C4orf17: variants seen among roughly 807,000 people sequenced by gnomAD.
The protein encoded by C4orf17 is uncharacterized protein C4orf17.
A neutral mutation model predicts 32.0 loss-of-function variants in C4orf17; 25 were observed. That is an observed-to-expected ratio of 0.78 (90% confidence interval 0.57 to 1.09). The LOEUF is 1.09. C4orf17 is among the 50% of genes least tolerant of loss of function. C4orf17 has a pLI of 0.00. For synonymous variants in C4orf17, 149 were observed against 145.8 expected (o/e 1.02, Z -0.16); for missense variants, 420 against 420.0 (o/e 1.00, Z 0.00).
chr4:99,512,295 A>G (rs1270762045), intron 1 of C4orf17, among the ~76,000 whole-genome samples: 2 of 152,230 alleles, frequency 1.3e-5, no homozygotes, highest in East Asian at 1.9e-4. Context: ...GAAAATTTAA[A>G]TAACGACTTT....
chr4:99,528,840 T>C (rs72681967), intron 4 of C4orf17, among the ~76,000 whole-genome samples: 40,604 of 151,924 alleles, frequency 0.27, 5,624 homozygotes, highest in South Asian at 0.35. Context: ...GCCCTTGACA[T>C]ATGGGGATTA....
intron 2 of C4orf17, among the ~76,000 whole-genome samples, chr4:99,517,024 G>C (rs915662357): frequency 6.6e-6 from 1 of 152,072 alleles, no homozygotes; most frequent in Non-Finnish European, 1.5e-5. Context: ...TGATTTGATG[G>C]CTCGCTTAAA....
chr4:99,535,395 T>C lies in C4orf17; in HGVS notation c.547-2274T>C, dbSNP rs74807709. Among the ~76,000 whole-genome samples the C allele has an allele frequency of 7.9e-5, 12 of 152,246 alleles. No individual in the cohort carries two copies. The East Asian group carries it at 2.1e-3, about 27-fold the overall frequency. ...TTCCAATCAGTTGTAAGTTCAGTCT[T>C]TTTACATAATCCCACATTTCTCGGA... On this transcript the variant is annotated intron_variant, in intron 5 of 8. Coordinates refer to ENST00000326581, the MANE Select transcript of C4orf17 (RefSeq NM_032149.3).
At chr4:99,518,273 G>A (rs1009822427) in intron 2 of C4orf17, among the ~76,000 whole-genome samples, 3 of 151,050 alleles carry the variant, frequency 2.0e-5, no homozygotes, top group African/African-American at 7.3e-5. Context: ...AACTGTTTAG[G>A]CCAGGCTCAG....
rs751533705 is a variant in C4orf17, at chr4:99,513,202, A to G, written c.121A>G (p.Ile41Val). 2 of 1,613,730 alleles carry G rather than the reference A, an allele frequency of 1.2e-6. No homozygotes were observed. Among genetic ancestry groups the G allele is most frequent in the South Asian group, 1.1e-5 (1 of 91,074 alleles). The change falls in exon 2 of 9, where the codon ATC becomes GTC. Residue 41 changes from isoleucine to valine, a missense_variant. By Grantham distance (29) the Ile-to-Val change is conservative (BLOSUM62 3). Coordinates refer to ENST00000326581, the MANE Select transcript of C4orf17 (RefSeq NM_032149.3). ...CCCTCATCCCAGAAGAGTCTGCCAC[A>G]TCAAAGGTAAGGTGACTTAAGGTCC... Reference protein sequence around the residue: ...HTPHPRRVCHIKGLNNIPICT... With the variant: ...HTPHPRRVCHVKGLNNIPICT...
At chr4:99,521,338 G>A (rs1281198710) in intron 2 of C4orf17, among the ~76,000 whole-genome samples, 2 of 151,594 alleles carry the variant, frequency 1.3e-5, no homozygotes, top group Non-Finnish European at 2.9e-5. Context: ...TTGCACCATT[G>A]CACTCCAGCC....
At chr4:99,533,251 T>C (rs1006845532) in intron 5 of C4orf17, among the ~76,000 whole-genome samples, 1 of 152,212 alleles carries the variant, frequency 6.6e-6, no homozygotes, top group Admixed American at 6.5e-5. Flanking sequence ...GGATACAATA[T>C]GCAGATTAAT....
At chr4:99,515,548 G>T (rs1398406449) in intron 2 of C4orf17, among the ~76,000 whole-genome samples, 1 of 151,996 alleles carries the variant, frequency 6.6e-6, no homozygotes, top group Non-Finnish European at 1.5e-5. Context: ...CCATTCAGAG[G>T]GTGGAGACTG....
chr4:99,514,592 T>TA (rs1340797850), intron 2 of C4orf17, among the ~76,000 whole-genome samples: 3 of 152,014 alleles, frequency 2.0e-5, no homozygotes, highest in Non-Finnish European at 2.9e-5. Context: ...ATAATTAAGT[T>TA]AAAAAAACAA....
intron 5 of C4orf17, 142 bp from the exon 6 acceptor site, chr4:99,537,527 G>A (rs1238808218): frequency 1.6e-6 from 1 of 630,496 alleles, no homozygotes; most frequent in Non-Finnish European, 2.8e-6. Context: ...TCGAGCTCGT[G>A]AGTTAAAAAT....
chr4:99,522,463 C>T lies in C4orf17; in HGVS notation c.128-37C>T, dbSNP rs1240362271. The stretch of plus-strand genomic sequence containing the variant: ...ACCTTCCAAACATCTAATCTGGTTG[C>T]TTGATCTGTCTCTTTTTTTAATCTT... On this transcript the variant is annotated intron_variant, in intron 2 of 8. Coordinates refer to ENST00000326581, the MANE Select transcript of C4orf17 (RefSeq NM_032149.3). The T allele has an allele frequency of 3.3e-6, 5 of 1,513,666 alleles. No homozygotes were observed. In the Admixed American group the frequency reaches 5.1e-5, roughly 16 times the overall value. The allele number at this position is 1,513,666 out of a possible 1,614,324, so 93.8% of individuals were successfully genotyped here. A position where few individuals can be genotyped will look rare whatever the true frequency, so the allele number is the denominator to read the frequency against.
chr4:99,525,731 A>G (rs1331104556), intron 4 of C4orf17, among the ~76,000 whole-genome samples: 1 of 151,436 alleles, frequency 6.6e-6, no homozygotes, highest in Non-Finnish European at 1.5e-5. Flanking sequence ...GAGGTGGAGG[A>G]GGTTGCAGTG....
chr4:99,539,433 T>C, intron 7 of C4orf17, 63 bp downstream of exon 7: 2 of 1,302,940 alleles, frequency 1.5e-6, no homozygotes, highest in South Asian at 1.2e-5. Flanking sequence ...TTGAATTCTC[T>C]TGTTATTTAT....
chr4:99,518,544 T>TATATATAGAGAGAG (rs1393245676), intron 2 of C4orf17, among the ~76,000 whole-genome samples: 1 of 36,832 alleles, frequency 2.7e-5, no homozygotes, highest in African/African-American at 1.3e-4. Flanking sequence ...TATATATATA[T>TATATATAGAGAGAG]AGAGAGAGAG....
At chr4:99,525,623 T>C (rs1723374289) in intron 4 of C4orf17, among the ~76,000 whole-genome samples, 1 of 151,928 alleles carries the variant, frequency 6.6e-6, no homozygotes, top group Admixed American at 6.5e-5. Flanking sequence ...TGAAACCCCG[T>C]CTCTACTAAA....
intron 2 of C4orf17, among the ~76,000 whole-genome samples, chr4:99,514,118 C>T (rs997251057): frequency 6.6e-6 from 1 of 152,006 alleles, no homozygotes; most frequent in Non-Finnish European, 1.5e-5. Context: ...CCATAGTGAG[C>T]TCCAGCAGAT....
intron 6 of C4orf17, among the ~76,000 whole-genome samples, chr4:99,538,079 C>T (rs1039392611): frequency 2.0e-5 from 3 of 152,198 alleles, no homozygotes; most frequent in African/African-American, 7.2e-5. Flanking sequence ...CTGAGCACAT[C>T]CTCTGGCCTG....
intron 5 of C4orf17, among the ~76,000 whole-genome samples, 160 bp from the exon 6 acceptor site, chr4:99,537,509 A>G (rs567227287): frequency 1.3e-5 from 2 of 152,308 alleles, no homozygotes; most frequent in Non-Finnish European, 2.9e-5. Flanking sequence ...ACTGTGTGCT[A>G]TTTGAAATCG....
chr4:99,539,105 A>G, intron 6 of C4orf17, 58 bp from the exon 7 acceptor site: 4 of 1,464,156 alleles, frequency 2.7e-6, no homozygotes, highest in Non-Finnish European at 2.9e-6. Flanking sequence ...CTGTGTTTCT[A>G]TCCAACATGA....
Sources: allele counts gnomAD v4.1 joint callset (sites outside exome capture counted in the v4.1 genomes callset), GRCh38; gene constraint gnomAD v4.1.1; transcripts MANE v1.5; gene names NCBI Gene and HGNC (gene_info 2026-07-23, HGNC 2026-07-21).